The following RAB3GAP2 variants were observed in gnomAD, a reference collection of about 807,000 sequenced individuals.
RAB3GAP2 encodes the protein RAB3 GTPase activating non-catalytic protein subunit 2.
Under a neutral mutation model 185.3 loss-of-function variants are expected in RAB3GAP2, and 87 were observed. That is an observed-to-expected ratio of 0.47 (90% CI 0.39 to 0.56). The LOEUF is 0.56. Among genes scored for constraint, RAB3GAP2 ranks in the 20% least tolerant of loss-of-function variants. RAB3GAP2 has a pLI of 0.00. For missense variants in RAB3GAP2, 1,492 were observed against 1,638.2 expected, an observed-to-expected ratio of 0.91 and a Z score of 1.54; for synonymous variants, 554 against 576.1, an observed-to-expected ratio of 0.96 and a Z score of 0.55.
At chr1:220,258,880 C>G (rs985744368) in intron 1 of RAB3GAP2, among the ~76,000 whole-genome samples, 3 of 152,182 alleles carry the variant, frequency 2.0e-5, no homozygotes, top group African/African-American at 7.2e-5. Context: ...TAAGCAACTT[C>G]AGCAAAGTCT....
intron 2 of RAB3GAP2, among the ~76,000 whole-genome samples, chr1:220,227,398 A>C (rs1445406745): frequency 6.6e-6 from 1 of 152,234 alleles, no homozygotes; most frequent in African/African-American, 2.4e-5. Context: ...TCCAGATCCC[A>C]GTACTGTCAC....
chr1:220,196,968 C>T (rs1406214930), intron 9 of RAB3GAP2, among the ~76,000 whole-genome samples: 2 of 151,476 alleles, frequency 1.3e-5, no homozygotes, highest in African/African-American at 2.4e-5. Flanking sequence ...CACTTATATC[C>T]CCAAATACCA....
intron 21 of RAB3GAP2, among the ~76,000 whole-genome samples, chr1:220,173,088 G>A (rs1169307248): frequency 6.6e-6 from 1 of 152,188 alleles, no homozygotes; most frequent in Non-Finnish European, 1.5e-5. Flanking sequence ...GTGCCACTTG[G>A]CTGTAGGTTT....
At chr1:220,260,083 A>T (rs1381305832) in intron 1 of RAB3GAP2, among the ~76,000 whole-genome samples, 1 of 152,218 alleles carries the variant, frequency 6.6e-6, no homozygotes, top group African/African-American at 2.4e-5. Flanking sequence ...AAAAGGTCAA[A>T]AAACAACAGA....
chr1:220,175,064 A>G (rs186962322), intron 21 of RAB3GAP2, among the ~76,000 whole-genome samples: 44 of 152,262 alleles, frequency 2.9e-4, no homozygotes, highest in Middle Eastern at 6.8e-3. Flanking sequence ...TTTTATGTGC[A>G]TGTATACTGG....
At chr1:220,227,071 C>T (rs142914035) in intron 2 of RAB3GAP2, among the ~76,000 whole-genome samples, 60 of 152,184 alleles carry the variant, frequency 3.9e-4, no homozygotes, top group African/African-American at 1.2e-3. Flanking sequence ...TCCAGAACTG[C>T]GAAAAAATAA....
intron 1 of RAB3GAP2, among the ~76,000 whole-genome samples, chr1:220,263,563 T>G (rs1660178318): frequency 6.6e-6 from 1 of 152,104 alleles, no homozygotes; most frequent in Non-Finnish European, 1.5e-5. Flanking sequence ...CCCCAAAGAA[T>G]GCTCTTGGCA....
chr1:220,197,498 C>T (rs972837421), intron 9 of RAB3GAP2, among the ~76,000 whole-genome samples: 1 of 152,122 alleles, frequency 6.6e-6, no homozygotes, highest in Non-Finnish European at 1.5e-5. Flanking sequence ...ATTTTTTAAA[C>T]TCCCCTCCCA....
chr1:220,197,044 T>C (rs1658739282), intron 9 of RAB3GAP2, among the ~76,000 whole-genome samples: 1 of 151,604 alleles, frequency 6.6e-6, no homozygotes, highest in South Asian at 2.1e-4. Context: ...TGGAGTGCAA[T>C]GGTGCAATCT....
chr1:220,246,285 G>C (rs1659814278), intron 1 of RAB3GAP2, among the ~76,000 whole-genome samples: 1 of 152,080 alleles, frequency 6.6e-6, no homozygotes, highest in Non-Finnish European at 1.5e-5. Context: ...GTGCTGGAGA[G>C]GATGTGGAGA....
At chr1:220,254,556 C>A in intron 1 of RAB3GAP2, 1 of 1,599,712 alleles carries the variant, frequency 6.3e-7, no homozygotes, top group South Asian at 1.1e-5. Flanking sequence ...CACTCTCACT[C>A]ACTTATGTTT....
At chr1:220,254,382 A>G in intron 1 of RAB3GAP2, 1 of 1,613,106 alleles carries the variant, frequency 6.2e-7, no homozygotes, top group Middle Eastern at 1.7e-4. Flanking sequence ...TACGAATTGG[A>G]GCAATGTTGG....
At chr1:220,211,197 C>T (rs1364316712) in intron 4 of RAB3GAP2, 195 bp from the exon 5 acceptor site, 6 of 688,580 alleles carry the variant, frequency 8.7e-6, no homozygotes, top group Admixed American at 8.4e-5. Context: ...AAATGTAATG[C>T]CACATGCATT....
chr1:220,182,372 A>G lies in RAB3GAP2; in HGVS notation c.2213-18T>C, dbSNP rs759619376. 1.4e-5 allele frequency: 23 copies of G among 1,613,704 alleles called. No individual in the cohort carries two copies. In the Middle Eastern group the frequency reaches 6.6e-4, roughly 46 times the overall value. On this transcript the variant is annotated intron_variant, in intron 20 of 34. Coordinates refer to ENST00000358951, the MANE Select transcript of RAB3GAP2 (RefSeq NM_012414.4). ...GAAACTACCTGGTAGAAGAAAAACA[A>G]AGCACATTAATCAATGACTACTTAC...
Position 220,190,098 on chromosome 1 carries a change from T to C in RAB3GAP2, c.1680A>G (p.Leu560=), listed in dbSNP as rs774779516. 21 of 1,613,626 alleles carry C rather than the reference T, an allele frequency of 1.3e-5. No individual in the cohort carries two copies. In the South Asian group the frequency reaches 2.0e-4, roughly 15 times the overall value. ...GAGATTTTGTTTTCAGTAAGGCTGC[T>C]AGTTTCTTCACTAGGTGCATATCCT... ...RAKDMHLVKK[L]AALLKTKSPN... is the part of the protein sequence containing the mutation. The change falls in exon 16 of 35, where the codon CTA becomes CTG. Residue 560 remains leucine (L), a synonymous_variant. Transcript: ENST00000358951.
At chr1:220,243,295 A>C (rs984314220) in intron 1 of RAB3GAP2, among the ~76,000 whole-genome samples, 29 of 151,120 alleles carry the variant, frequency 1.9e-4, no homozygotes, top group African/African-American at 6.6e-4. Context: ...CAGAGCTTGC[A>C]GTAAGCCGAG....
rs567712201 is a variant in RAB3GAP2 at position 220,214,394 on chromosome 1, C to T, written c.181-415G>A. On this transcript the variant is annotated intron_variant, in intron 2 of 34. Transcript: ENST00000358951. ...TACAAAAATTAGCCAGGTGTGGCGG[C>T]GCGTGCCTGTAATCCCAGCTACTCG... Among the ~76,000 whole-genome samples the T allele has an allele frequency of 7.9e-5, 12 of 152,062 alleles. No homozygotes were observed. In the South Asian group the frequency reaches 1.7e-3, roughly 21 times the overall value.
chr1:220,191,279 G>A lies in RAB3GAP2; in HGVS notation c.1276C>T (p.Arg426Cys), dbSNP rs587777167. 9.7e-6 allele frequency: 15 copies of A among 1,551,246 alleles called. No homozygotes were observed. Among genetic ancestry groups the A allele is most frequent in the Admixed American group, 5.3e-5 (3 of 56,566 alleles). ...TGAATCCATCCAATTTGTGCGTCGC[G>A]GTACCCTTAGAGACAGAGGTAAAGG... is the stretch of plus-strand genomic sequence containing the variant. Reference protein sequence around the residue: ...GIAIRMWKGYRDAQIGWIQTV... With the variant: ...GIAIRMWKGYCDAQIGWIQTV... The change falls in exon 14 of 35, where the codon CGC (arginine) becomes TGC (cysteine). Residue 426 changes from arginine (R) to cysteine (C), a missense_variant. Physicochemically the swap from Arg to Cys is radical, Grantham distance 180. This residue lies in a region of RAB3GAP2 where 681 missense variants were observed against 689.1 expected (regional missense o/e 0.99). Coordinates refer to ENST00000358951, the MANE Select transcript of RAB3GAP2 (RefSeq NM_012414.4).
In RAB3GAP2 at chr1:220,149,536, G is replaced by C. The variant is rs1657703111; in HGVS notation, c.*1715C>G. On this transcript the variant is annotated 3_prime_UTR_variant, in exon 35 of 35. Coordinates refer to ENST00000358951, the MANE Select transcript of RAB3GAP2 (RefSeq NM_012414.4). ...AGCGTACTTGGAAAAATCACAGGAA[G>C]AACTAATCTCTTAGAAAACATATAA... is the stretch of plus-strand genomic sequence containing the variant. 1 of 151,570 alleles carries C rather than the reference G, an allele frequency of 6.6e-6. No homozygotes were observed. Among genetic ancestry groups the C allele is most frequent in the Non-Finnish European group, 1.5e-5 (1 of 67,700 alleles). 9.4% of individuals were successfully genotyped at this position (151,570 alleles called of 1,614,324 possible).
Sources: gnomAD v4.1 joint callset for allele counts (sites outside exome capture counted in the v4.1 genomes callset) on GRCh38, gnomAD v4.1.1 for gene constraint, gnomAD v4.1.1 regional missense constraint, MANE v1.5 for transcripts, NCBI Gene and HGNC (gene_info 2026-07-23, HGNC 2026-07-21) for gene names.